The following PRKAB1 variants were observed in gnomAD, a reference collection of about 807,000 sequenced individuals.
The protein encoded by PRKAB1 is protein kinase AMP-activated non-catalytic subunit beta 1.
In PRKAB1, 18 loss-of-function variants were observed where a neutral mutation model predicts 32.0. The observed-to-expected ratio is 0.56, with a 90% CI of 0.39 to 0.83. The LOEUF is 0.83. Ranked by LOEUF, PRKAB1 falls within the 40% of genes least tolerant of loss-of-function variation. The pLI is 0.00. For missense variants in PRKAB1, 263 were observed against 352.6 expected, an observed-to-expected ratio of 0.75 and a Z score of 2.03; for synonymous variants, 141 against 141.4, an observed-to-expected ratio of 1.00 and a Z score of 0.02.
At chr12:119,671,436 C>T (rs922524431) in intron 1 of PRKAB1, 3 of 381,986 alleles carry the variant, frequency 7.9e-6, no homozygotes, top group South Asian at 4.1e-5. Flanking sequence ...GACTCAGTTC[C>T]GCATGGCTGG....
intron 2 of PRKAB1, 200 bp from the exon 3 acceptor site, chr12:119,673,764 G>A: frequency 4.3e-6 from 2 of 467,708 alleles, no homozygotes; most frequent in Admixed American, 8.1e-5. Flanking sequence ...TCAGGAAACT[G>A]TGTCGCACTG....
At chr12:119,671,982 C>G (rs1357298828) in intron 1 of PRKAB1, among the ~76,000 whole-genome samples, 1 of 152,176 alleles carries the variant, frequency 6.6e-6, no homozygotes, top group Non-Finnish European at 1.5e-5. Flanking sequence ...GTCTTGGATT[C>G]GTAGTAGCCC....
intron 6 of PRKAB1, 34 bp from the exon 7 acceptor site, chr12:119,680,214 T>G (rs758692220): frequency 1.2e-6 from 2 of 1,601,168 alleles, no homozygotes; most frequent in Non-Finnish European, 1.7e-6. Context: ...AGCCCCTTAG[T>G]CCAGCCTTTG....
intron 2 of PRKAB1, among the ~76,000 whole-genome samples, chr12:119,673,046 TAGTG>T (rs1338975304): frequency 6.6e-6 from 1 of 151,654 alleles, no homozygotes; most frequent in Admixed American, 6.6e-5. Flanking sequence ...CTGGGCAACA[TAGTG>T]AGACCCCCAT....
intron 1 of PRKAB1, chr12:119,669,631 C>CAGT (rs1312478412): frequency 6.6e-6 from 1 of 150,546 alleles, no homozygotes; most frequent in Non-Finnish European, 1.5e-5. Context: ...GGCTGGAGGG[C>CAGT]AGTAGCACAA....
intron 5 of PRKAB1, chr12:119,677,844 A>G (rs979150654): frequency 7.1e-6 from 1 of 141,566 alleles, no homozygotes; most frequent in Non-Finnish European, 1.5e-5. Context: ...GGCTCACTGC[A>G]AGCTCCGCCT....
chr12:119,680,522 C>G lies in PRKAB1; in HGVS notation c.*197C>G, dbSNP rs1955457323. The G allele has an allele frequency of 1.7e-6, 1 of 602,328 alleles. No homozygotes were observed. Among genetic ancestry groups the G allele is most frequent in the Admixed American group, 2.9e-5 (1 of 34,598 alleles). 37.3% of individuals were successfully genotyped at this position (602,328 alleles called of 1,614,324 possible). The stretch of plus-strand genomic sequence containing the variant: ...AGCGCCTCGGTCTGTGACAGTCCTC[C>G]TAGCACCCCCATGGCTTTGAGCCTC... On this transcript the variant is annotated 3_prime_UTR_variant, in exon 7 of 7. Coordinates refer to ENST00000229328, the MANE Select transcript of PRKAB1 (RefSeq NM_006253.5).
At chr12:119,672,988 G>T (rs1448180456) in intron 2 of PRKAB1, among the ~76,000 whole-genome samples, 2 of 152,212 alleles carry the variant, frequency 1.3e-5, no homozygotes, top group Non-Finnish European at 1.5e-5. Context: ...CAGCACTTTT[G>T]GGGGCTGAGG....
intron 1 of PRKAB1, among the ~76,000 whole-genome samples, chr12:119,668,886 C>T (rs996700311): frequency 1.3e-5 from 2 of 152,192 alleles, no homozygotes; most frequent in African/African-American, 4.8e-5. Context: ...GAACAGCTGA[C>T]GGCAGTTGCC....
In PRKAB1 at chr12:119,674,042, G is replaced by C. The variant is rs747611543; in HGVS notation, c.402G>C (p.Thr134=). 1.2e-6 allele frequency: 2 copies of C among 1,613,504 alleles called. No homozygotes were observed. The highest frequency in any genetic ancestry group is 1.3e-5 in the African/African-American group (1 of 75,040). ...AGTTCTTTGTGGATGGTCAGTGGAC[G>C]CACGACCCTTCCGAGGTACTCTTCC... is the stretch of plus-strand genomic sequence containing the variant. ...QYKFFVDGQW[T]HDPSEPIVTS... The change falls in exon 3 of 7, where the codon ACG becomes ACC. Residue 134 remains threonine (T), a synonymous_variant. Transcript: ENST00000229328. The surrounding 1 kb of genome is among the most constrained non-coding windows in gnomAD (Gnocchi z 4.3).
rs976706320 is a variant in PRKAB1, at chr12:119,674,714, C to G, written c.532+260C>G. On this transcript the variant is annotated intron_variant, in intron 4 of 6. Transcript: ENST00000229328. The surrounding 1 kb of genome is among the most constrained non-coding windows in gnomAD (Gnocchi z 4.3). ...CAGAACGCAGACAGCAGAAATGGAA[C>G]CATAGCTTGATCTCGTGCCAAGGGC... 1.3e-5 allele frequency among the ~76,000 whole-genome samples: 2 copies of G among 152,220 alleles called. No individual in the cohort carries two copies. Among genetic ancestry groups the G allele is most frequent in the African/African-American group, 4.8e-5 (2 of 41,456 alleles).
chr12:119,679,714 C>T lies in PRKAB1; in HGVS notation c.667-219C>T, dbSNP rs142278188. ...TAAATGCCTGGCCAGAGACACACACCGATGCCTCCAGCAGGCATGCAGGGA... is the reference window on the plus strand; with the variant it reads ...TAAATGCCTGGCCAGAGACACACACTGATGCCTCCAGCAGGCATGCAGGGA... On this transcript the variant is annotated intron_variant, in intron 5 of 6. Transcript: ENST00000229328. The surrounding 1 kb of genome is among the most constrained non-coding windows in gnomAD (Gnocchi z 4.1). The T allele has an allele frequency of 4.4e-4, 241 of 553,072 alleles. No individual in the cohort carries two copies. Among genetic ancestry groups the T allele is most frequent in the African/African-American group, 4.1e-3 (216 of 52,924 alleles). 34.3% of individuals were successfully genotyped at this position (553,072 alleles called of 1,614,324 possible). A position where few individuals can be genotyped will look rare whatever the true frequency, so the allele number is the denominator to read the frequency against.
In PRKAB1 at chr12:119,674,571, T is replaced by C; in HGVS notation, c.532+117T>C. On this transcript the variant is annotated intron_variant, in intron 4 of 6. Coordinates refer to ENST00000229328, the MANE Select transcript of PRKAB1 (RefSeq NM_006253.5). This position sits in a 1 kb window ranked among gnomAD's most constrained non-coding sequence, Gnocchi z 4.3. ...AGCTGCCCAGTCAGATAGGCATTTA[T>C]AGCCCCCACTTAAAGGCCACAGAAC... The C allele has an allele frequency of 1.5e-6, 1 of 676,244 alleles. No individual in the cohort carries two copies. 41.9% of individuals were successfully genotyped at this position (676,244 alleles called of 1,614,324 possible).
Position 119,668,301 on chromosome 12 carries a change from G to T in PRKAB1, c.57G>T (p.Thr19=). The change falls in exon 1 of 7, where the codon ACG becomes ACT. Residue 19 remains threonine, a synonymous_variant. Transcript: ENST00000229328. ...TGGAGCGGCATGGTGGCCATAAGAC[G>T]CCCCGGAGGGACAGCTCGGGGGGCA... ...AALERHGGHK[T]PRRDSSGGTK... 1 of 1,612,220 alleles carries T rather than the reference G, an allele frequency of 6.2e-7. No individual in the cohort carries two copies. The highest frequency in any genetic ancestry group is 1.7e-5 in the Admixed American group (1 of 59,692).
At position 119,674,836 on chromosome 12, in the gene PRKAB1, C is replaced by T. The variant is rs1415256038; in HGVS notation, c.532+382C>T. ...CCCACTTGTGGTGCCTGAAGAATTT[C>T]AGCCTGACAGGTGTAAATGGACACC... On this transcript the variant is annotated intron_variant, in intron 4 of 6. Coordinates refer to ENST00000229328, the MANE Select transcript of PRKAB1 (RefSeq NM_006253.5). The surrounding 1 kb of genome is among the most constrained non-coding windows in gnomAD (Gnocchi z 4.3). 6.6e-6 allele frequency among the ~76,000 whole-genome samples: 1 copy of T among 152,214 alleles called. No homozygotes were observed. The highest frequency in any genetic ancestry group is 2.4e-5 in the African/African-American group (1 of 41,450).
intron 1 of PRKAB1, 113 bp from the exon 2 acceptor site, chr12:119,672,188 G>T: frequency 8.7e-7 from 1 of 1,156,000 alleles, no homozygotes; most frequent in East Asian, 2.6e-5. Context: ...GTAAGTTTCC[G>T]ATCCTAACCA....
Position 119,673,498 on chromosome 12 carries a change from AG to A in PRKAB1, c.324-462del, listed in dbSNP as rs1414405187. Among the ~76,000 whole-genome samples the A allele has an allele frequency of 2.6e-5, 4 of 152,210 alleles. No individual in the cohort carries two copies. The East Asian group carries it at 7.7e-4, about 29-fold the overall frequency. On this transcript the variant is annotated intron_variant, in intron 2 of 6. Transcript: ENST00000229328. ...GCCAGGGGACAAAACAACCCAGTGA[AG>A]GGGCTCTTCCGGAGTTTGGTTTTTC...
rs1955456300 is a variant in PRKAB1 at position 119,680,379 on chromosome 12, G to A, written c.*54G>A. 1.4e-5 allele frequency: 21 copies of A among 1,511,250 alleles called. No homozygotes were observed. The highest frequency in any genetic ancestry group is 7.9e-5 in the South Asian group (7 of 88,276). The allele number at this position is 1,511,250 out of a possible 1,614,324, so 93.6% of individuals were successfully genotyped here. A position where few individuals can be genotyped will look rare whatever the true frequency, so the allele number is the denominator to read the frequency against. On this transcript the variant is annotated 3_prime_UTR_variant, in exon 7 of 7. Coordinates refer to ENST00000229328, the MANE Select transcript of PRKAB1 (RefSeq NM_006253.5). ...GACAGCACACCACCAGGCTCCACAC[G>A]TGCATGCTTTCCCCAAGAGGGAATG... is the stretch of plus-strand genomic sequence containing the variant.
chr12:119,674,942 A>C lies in PRKAB1; in HGVS notation c.532+488A>C, dbSNP rs1254897153. Among the ~76,000 whole-genome samples the C allele has an allele frequency of 6.6e-6, 1 of 152,232 alleles. No homozygotes were observed. Among genetic ancestry groups the C allele is most frequent in the Admixed American group, 6.5e-5 (1 of 15,284 alleles). The stretch of plus-strand genomic sequence containing the variant: ...TGGGGAGGATGCGGCTCCCCACGGG[A>C]AACAGCCTGCACAGCCCAACTCTCC... On this transcript the variant is annotated intron_variant, in intron 4 of 6. Transcript: ENST00000229328. The surrounding 1 kb of genome is among the most constrained non-coding windows in gnomAD (Gnocchi z 4.3).
Sources: allele counts gnomAD v4.1 joint callset (sites outside exome capture counted in the v4.1 genomes callset), GRCh38; gene constraint gnomAD v4.1.1; non-coding constraint Gnocchi (gnomAD v3.1); transcripts MANE v1.5; gene names NCBI Gene and HGNC (gene_info 2026-07-23, HGNC 2026-07-21).